FNDC3B: variants seen among roughly 807,000 people sequenced by gnomAD.
FNDC3B encodes fibronectin type III domain-containing protein 3B.
Under a neutral mutation model 151.5 loss-of-function variants are expected in FNDC3B, and 12 were observed. The ratio of observed to expected loss-of-function variants is 0.08; its 90% CI spans 0.05 to 0.13. FNDC3B has a LOEUF of 0.13. Among genes scored for constraint, FNDC3B ranks in the 10% least tolerant of loss-of-function variants. FNDC3B has a pLI of 1.00. For synonymous variants in FNDC3B, 528 were observed against 549.0 expected, an observed-to-expected ratio of 0.96 and a Z score of 0.54; for missense variants, 1,214 against 1,505.3, an observed-to-expected ratio of 0.81 and a Z score of 3.20.
intron 3 of FNDC3B, among the ~76,000 whole-genome samples, chr3:172,137,786 G>A (rs537618288): frequency 6.6e-6 from 1 of 152,290 alleles, no homozygotes; most frequent in East Asian, 1.9e-4. Flanking sequence ...ATGAATCATA[G>A]GTCTTGAAGG....
intron 21 of FNDC3B, among the ~76,000 whole-genome samples, chr3:172,351,091 G>A (rs1230185807): frequency 6.6e-6 from 1 of 152,186 alleles, no homozygotes; most frequent in Non-Finnish European, 1.5e-5. Context: ...TTGCCCTTAT[G>A]TAACTTGCAT....
chr3:172,162,620 C>T (rs927341577), intron 3 of FNDC3B, among the ~76,000 whole-genome samples: 5 of 151,530 alleles, frequency 3.3e-5, no homozygotes, highest in South Asian at 2.1e-4. Flanking sequence ...TGAGGGTTCC[C>T]GATTTCTTCA....
Position 172,401,650 on chromosome 3 carries a change from C to T in FNDC3B, c.*4175C>T, listed in dbSNP as rs1216757154. ...AACAACAACAACAACAGCAATAAAA[C>T]ACAGTGTTCCTGCTATGGCCATGGT... On this transcript the variant is annotated 3_prime_UTR_variant, in exon 26 of 26. Transcript: ENST00000415807. The T allele has an allele frequency of 1.3e-5, 2 of 152,210 alleles. No homozygotes were observed. The highest frequency in any genetic ancestry group is 3.9e-4 in the East Asian group (2 of 5,192). 9.4% of individuals were successfully genotyped at this position (152,210 alleles called of 1,614,324 possible).
intron 24 of FNDC3B, among the ~76,000 whole-genome samples, chr3:172,380,597 T>C (rs1052128944): frequency 6.6e-6 from 1 of 152,172 alleles, no homozygotes; most frequent in Non-Finnish European, 1.5e-5. Flanking sequence ...CAACTAACTC[T>C]TAAGTTTCTT....
rs1452725522 is a variant in FNDC3B at position 172,216,484 on chromosome 3, TTG to T, written c.188-10384_188-10383del. 2.6e-5 allele frequency among the ~76,000 whole-genome samples: 4 copies of T among 152,134 alleles called. No homozygotes were observed. In the East Asian group the frequency reaches 7.7e-4, roughly 29 times the overall value. Reference sequence around the variant, plus strand: ...GAGTTGAAGGCCAGCCTGAGCAACATTGTGAGACCACATCTCTACAAAAAAAT... The same window carrying T: ...GAGTTGAAGGCCAGCCTGAGCAACATTGAGACCACATCTCTACAAAAAAAT... On this transcript the variant is annotated intron_variant, in intron 3 of 25. Transcript: ENST00000415807.
intron 9 of FNDC3B, 66 bp downstream of exon 9, chr3:172,298,853 T>C: frequency 2.5e-6 from 3 of 1,197,522 alleles, no homozygotes; most frequent in South Asian, 1.4e-5. Flanking sequence ...AAACATGTAC[T>C]CCCTTTTAAG....
At chr3:172,061,235 T>G (rs573429741) in intron 1 of FNDC3B, among the ~76,000 whole-genome samples, 78 of 146,994 alleles carry the variant, frequency 5.3e-4, no homozygotes, top group Non-Finnish European at 1.0e-3. Context: ...GCACATTACT[T>G]TTTTTTTTTT....
At chr3:172,337,781 C>T in intron 16 of FNDC3B, 1 of 220,106 alleles carries the variant, frequency 4.5e-6, no homozygotes, top group South Asian at 6.0e-5. Context: ...AACTCCTGGG[C>T]TTAAGTGACT....
chr3:172,399,043 A>G lies in FNDC3B; in HGVS notation c.*1568A>G, dbSNP rs1286439932. 6.6e-6 allele frequency: 1 copy of G among 152,594 alleles called. No homozygotes were observed. The highest frequency in any genetic ancestry group is 2.4e-5 in the African/African-American group (1 of 41,434). The allele number at this position is 152,594 out of a possible 1,614,324, so 9.5% of individuals were successfully genotyped here. A position where few individuals can be genotyped will look rare whatever the true frequency, so the allele number is the denominator to read the frequency against. ...TTGCTACTTGGTTTTTCTTGATCAT[A>G]GCTATTTTGTGCTTGATCTTTATTG... On this transcript the variant is annotated 3_prime_UTR_variant, in exon 26 of 26. Coordinates refer to ENST00000415807, the MANE Select transcript of FNDC3B (RefSeq NM_022763.4).
At chr3:172,059,863 G>C (rs1717105242) in intron 1 of FNDC3B, among the ~76,000 whole-genome samples, 1 of 151,988 alleles carries the variant, frequency 6.6e-6, no homozygotes, top group African/African-American at 2.4e-5. Flanking sequence ...GTAAATAGAG[G>C]GCATGTATTA....
intron 4 of FNDC3B, among the ~76,000 whole-genome samples, chr3:172,240,694 A>G (rs921073019): frequency 1.3e-4 from 20 of 152,152 alleles, no homozygotes; most frequent in Non-Finnish European, 5.9e-5. Context: ...GGATGCCAAT[A>G]CCTAATTCTC....
At chr3:172,090,830 G>A (rs144366468) in intron 1 of FNDC3B, among the ~76,000 whole-genome samples, 2,511 of 152,166 alleles carry the variant, frequency 0.017, 35 homozygotes, top group Middle Eastern at 0.031. Flanking sequence ...TTTGTTTCAT[G>A]TATAATATTA....
At chr3:172,207,586 G>C (rs1173591317) in intron 3 of FNDC3B, among the ~76,000 whole-genome samples, 1 of 152,184 alleles carries the variant, frequency 6.6e-6, no homozygotes, top group African/African-American at 2.4e-5. Flanking sequence ...CAGGTGTGCT[G>C]ATTGGTCCAT....
chr3:172,261,732 A>G (rs1728656137), intron 6 of FNDC3B, among the ~76,000 whole-genome samples: 1 of 152,232 alleles, frequency 6.6e-6, no homozygotes, highest in Admixed American at 6.5e-5. Context: ...TGTTGTACCC[A>G]CATAATAGCT....
At chr3:172,307,803 A>G (rs1158949784) in intron 10 of FNDC3B, among the ~76,000 whole-genome samples, 1 of 152,236 alleles carries the variant, frequency 6.6e-6, no homozygotes, top group African/African-American at 2.4e-5. Flanking sequence ...TGTTATATCA[A>G]AAGTTGTCAT....
At chr3:172,093,390 C>G (rs1366655928) in intron 1 of FNDC3B, among the ~76,000 whole-genome samples, 1 of 151,920 alleles carries the variant, frequency 6.6e-6, no homozygotes, top group African/African-American at 2.4e-5. Context: ...TCCCGAGTAG[C>G]TGGGACTACA....
At chr3:172,095,573 G>T (rs1434341091) in intron 1 of FNDC3B, among the ~76,000 whole-genome samples, 1 of 152,150 alleles carries the variant, frequency 6.6e-6, no homozygotes, top group Non-Finnish European at 1.5e-5. Flanking sequence ...TCCATGATCT[G>T]TTTCACATTT....
intron 3 of FNDC3B, among the ~76,000 whole-genome samples, chr3:172,147,034 G>A (rs1214207667): frequency 6.6e-6 from 1 of 152,082 alleles, no homozygotes; most frequent in Non-Finnish European, 1.5e-5. Flanking sequence ...AAGGCCAGGC[G>A]TGGTGCCTCA....
At chr3:172,341,652 T>C (rs1733330787) in intron 17 of FNDC3B, among the ~76,000 whole-genome samples, 1 of 152,210 alleles carries the variant, frequency 6.6e-6, no homozygotes. Context: ...AGACATACCT[T>C]CCTCAAGGTA....
Sources: gnomAD v4.1 joint callset for allele counts (sites outside exome capture counted in the v4.1 genomes callset) on GRCh38, gnomAD v4.1.1 for gene constraint, MANE v1.5 for transcripts, NCBI Gene and HGNC (gene_info 2026-07-23, HGNC 2026-07-21) for gene names.